PCP4L1: variants seen among roughly 807,000 people sequenced by gnomAD.
PCP4L1 encodes the protein Purkinje cell protein 4-like protein 1.
PCP4L1 carries 9 observed loss-of-function variants against 9.6 expected under a neutral mutation model. The observed-to-expected ratio is 0.94, with a 90% CI of 0.57 to 1.64. The LOEUF is 1.64. Ranked by LOEUF, PCP4L1 falls within the 40% of genes most tolerant of loss-of-function variation. The pLI is 0.00. For synonymous variants in PCP4L1, 31 were observed against 28.2 expected, an observed-to-expected ratio of 1.10 and a Z score of -0.31; for missense variants, 81 against 80.8, an observed-to-expected ratio of 1.00 and a Z score of -0.01.
chr1:161,270,371 T>TA (rs1207677214), intron 1 of PCP4L1, among the ~76,000 whole-genome samples: 1 of 152,124 alleles, frequency 6.6e-6, no homozygotes, highest in Non-Finnish European at 1.5e-5. Flanking sequence ...CTTGGGTTGT[T>TA]ACAATTGCTC....
chr1:161,263,896 T>A (rs1370493055), intron 1 of PCP4L1, among the ~76,000 whole-genome samples: 1 of 144,774 alleles, frequency 6.9e-6, no homozygotes, highest in Admixed American at 7.1e-5. Flanking sequence ...AATACTTTCT[T>A]TCCTTTTTTT....
At chr1:161,273,583 C>T (rs942664716) in intron 1 of PCP4L1, among the ~76,000 whole-genome samples, 6 of 152,284 alleles carry the variant, frequency 3.9e-5, no homozygotes, top group South Asian at 2.1e-4. Context: ...AATGATCCTA[C>T]ACATGGAATT....
At chr1:161,278,829 C>T (rs1202298137) in intron 1 of PCP4L1, among the ~76,000 whole-genome samples, 1 of 152,074 alleles carries the variant, frequency 6.6e-6, no homozygotes, top group Non-Finnish European at 1.5e-5. Context: ...GTTGCTGAGG[C>T]TGGAGTGCAG....
chr1:161,272,125 G>A (rs114030185), intron 1 of PCP4L1, among the ~76,000 whole-genome samples: 4,292 of 151,706 alleles, frequency 0.028, 204 homozygotes, highest in African/African-American at 0.099. Context: ...ATATTCATGG[G>A]GGTACATAGT....
Position 161,284,509 on chromosome 1 carries a change from C to T in PCP4L1, c.*28C>T. The T allele has an allele frequency of 6.2e-7, 1 of 1,604,692 alleles. No homozygotes were observed. The highest frequency in any genetic ancestry group is 8.5e-7 in the Non-Finnish European group (1 of 1,175,406). On this transcript the variant is annotated 3_prime_UTR_variant, in exon 3 of 3. Coordinates refer to ENST00000504449, the MANE Select transcript of PCP4L1 (RefSeq NM_001102566.2). The stretch of plus-strand genomic sequence containing the variant: ...GGCCAGGCTTGCCCTTCACCTTCAC[C>T]TTCATGCTGGTCCCTTCTCTCCCCT...
intron 1 of PCP4L1, among the ~76,000 whole-genome samples, chr1:161,282,255 C>G (rs761968092): frequency 9.7e-4 from 147 of 152,222 alleles, no homozygotes; most frequent in Middle Eastern, 3.4e-3. Flanking sequence ...GGCGTGGCGG[C>G]GCGCGCCTGC....
intron 1 of PCP4L1, among the ~76,000 whole-genome samples, chr1:161,260,985 G>A (rs923459080): frequency 6.6e-6 from 1 of 152,088 alleles, no homozygotes. Context: ...GCTTCTCTAG[G>A]GGCCGAGATC....
intron 1 of PCP4L1, among the ~76,000 whole-genome samples, chr1:161,281,171 T>G (rs1240701194): frequency 6.6e-6 from 1 of 151,990 alleles, no homozygotes; most frequent in African/African-American, 2.4e-5. Flanking sequence ...AGGTCATAGA[T>G]CAACAGGATC....
Position 161,284,474 on chromosome 1 carries a change from G to C in PCP4L1, c.200G>C (p.Ser67Thr), listed in dbSNP as rs1669874778. The C allele has an allele frequency of 6.2e-7, 1 of 1,612,728 alleles. No homozygotes were observed. The highest frequency in any genetic ancestry group is 1.7e-5 in the Admixed American group (1 of 59,800). The change falls in exon 3 of 3, where the codon AGC (serine) becomes ACC (threonine). Residue 67 changes from serine to threonine, a missense_variant. Transcript: ENST00000504449. ...TTTCAGAAAAGGAAAAAGGATCCCA[G>C]CTCCTGAATGGCCAGGCTTGCCCTT... is the stretch of plus-strand genomic sequence containing the variant. ...RRFQKRKKDP[S>T]S
rs190937942 is a variant in PCP4L1, at chr1:161,282,238, C to G, written c.10-1430C>G. ...TGTCTCCACCAAAAAAATACGAAAA[C>G]CAGTCAGGCGTGGCGGCGCGCGCCT... On this transcript the variant is annotated intron_variant, in intron 1 of 2. Transcript: ENST00000504449. Among the ~76,000 whole-genome samples the G allele has an allele frequency of 9.6e-3, 1,456 of 152,168 alleles. 30 individuals are homozygous for G. Among genetic ancestry groups the G allele is most frequent in the African/African-American group, 0.033 (1,369 of 41,514 alleles).
At chr1:161,269,093 A>G (rs1204968436) in intron 1 of PCP4L1, among the ~76,000 whole-genome samples, 15 of 152,070 alleles carry the variant, frequency 9.9e-5, no homozygotes, top group Admixed American at 2.6e-4. Context: ...CTCATCCTCT[A>G]TGTAATGGTA....
chr1:161,282,416 G>GAGGGGA (rs1168102272), intron 1 of PCP4L1, among the ~76,000 whole-genome samples: 11 of 146,516 alleles, frequency 7.5e-5, no homozygotes, highest in African/African-American at 2.7e-4. Context: ...GAGGGAGAGG[G>GAGGGGA]AGGGGGAGGG....
At chr1:161,281,239 T>C (rs1669790493) in intron 1 of PCP4L1, among the ~76,000 whole-genome samples, 1 of 151,788 alleles carries the variant, frequency 6.6e-6, no homozygotes, top group Non-Finnish European at 1.5e-5. Context: ...CCATGTCTAC[T>C]TCTTTCTACA....
intron 1 of PCP4L1, among the ~76,000 whole-genome samples, chr1:161,274,259 T>G (rs934773699): frequency 2.8e-5 from 4 of 143,920 alleles, no homozygotes; most frequent in African/African-American, 1.2e-4. Flanking sequence ...AAGGAAGGAT[T>G]TCCTAAACCA....
chr1:161,265,175 G>C (rs2501879), intron 1 of PCP4L1, among the ~76,000 whole-genome samples: 1 of 152,042 alleles, frequency 6.6e-6, no homozygotes, highest in African/African-American at 2.4e-5. Context: ...CAGCCTCTGG[G>C]TATTCAGTCC....
At chr1:161,272,673 TTTTA>T (rs562131886) in intron 1 of PCP4L1, among the ~76,000 whole-genome samples, 39 of 151,994 alleles carry the variant, frequency 2.6e-4, no homozygotes, top group Admixed American at 2.6e-4. Context: ...TGAGGGAGGC[TTTTA>T]TTTATTTATT....
chr1:161,267,021 G>A (rs1006487547), intron 1 of PCP4L1, among the ~76,000 whole-genome samples: 12 of 152,176 alleles, frequency 7.9e-5, no homozygotes, highest in East Asian at 1.9e-4. Flanking sequence ...CCTCTTTGTC[G>A]CCACTTGGAA....
In PCP4L1 at chr1:161,261,425, C is replaced by T. The variant is rs578013705; in HGVS notation, c.9+2442C>T. On this transcript the variant is annotated intron_variant, in intron 1 of 2. Transcript: ENST00000504449. ...TTCCCTGTGAGTGTGTGTGTGCGTT[C>T]GTGCACGAAGGAGCTGCAGGGACTC... Among the ~76,000 whole-genome samples, 3 of 152,272 alleles carry T rather than the reference C, an allele frequency of 2.0e-5. No individual in the cohort carries two copies. The East Asian group carries it at 5.8e-4, about 29-fold the overall frequency.
At chr1:161,277,865 G>A (rs901721097) in intron 1 of PCP4L1, among the ~76,000 whole-genome samples, 4 of 152,048 alleles carry the variant, frequency 2.6e-5, no homozygotes, top group Non-Finnish European at 4.4e-5. Context: ...ACTGTCTTTC[G>A]TGTTTCATTG....
Sources: gnomAD v4.1 joint callset for allele counts (sites outside exome capture counted in the v4.1 genomes callset) on GRCh38, gnomAD v4.1.1 for gene constraint, MANE v1.5 for transcripts, NCBI Gene and HGNC (gene_info 2026-07-23, HGNC 2026-07-21) for gene names.